Variants in MAP3K19 observed in about 807,000 individuals in gnomAD.
MAP3K19 encodes the protein mitogen-activated protein kinase kinase kinase 19.
In MAP3K19, 91 loss-of-function variants were observed where a neutral mutation model predicts 114.4. That is an observed-to-expected ratio of 0.80 (90% CI 0.67 to 0.95). MAP3K19 has a LOEUF of 0.95. Among genes scored for constraint, MAP3K19 ranks in the 40% least tolerant of loss-of-function variants. The pLI is 0.00. For synonymous variants in MAP3K19, 518 were observed against 530.5 expected (o/e 0.98, Z 0.32); for missense variants, 1,471 against 1,573.2 (o/e 0.94, Z 1.10).
intron 1 of MAP3K19, among the ~76,000 whole-genome samples, chr2:135,045,640 T>C (rs1353576049): frequency 1.3e-5 from 2 of 152,216 alleles, no homozygotes; most frequent in Non-Finnish European, 2.9e-5. Flanking sequence ...AGCAATGTTA[T>C]GGAGTTGTAA....
chr2:135,006,345 TA>T (rs1283129966), intron 5 of MAP3K19, among the ~76,000 whole-genome samples: 2 of 152,326 alleles, frequency 1.3e-5, no homozygotes, highest in East Asian at 1.9e-4. Flanking sequence ...ACTACCTATT[TA>T]AGGGGACTGA....
intron 3 of MAP3K19, among the ~76,000 whole-genome samples, chr2:135,029,687 G>A (rs7579356): frequency 9.3e-4 from 142 of 152,298 alleles, no homozygotes; most frequent in African/African-American, 3.3e-3. Flanking sequence ...AAGGTCACAT[G>A]GTCTGACAGT....
At chr2:134,978,921 G>A (rs917139725) in intron 12 of MAP3K19, among the ~76,000 whole-genome samples, 1 of 152,076 alleles carries the variant, frequency 6.6e-6, no homozygotes, top group South Asian at 2.1e-4. Flanking sequence ...ACTGCCTATT[G>A]CAACAAAGCT....
chr2:134,987,944 AT>A lies in MAP3K19; in HGVS notation c.927del (p.Lys309AsnfsTer5), dbSNP rs1008892323. 23 of 1,614,150 alleles carry A rather than the reference AT, an allele frequency of 1.4e-5. No individual in the cohort carries two copies. Among genetic ancestry groups the A allele is most frequent in the Non-Finnish European group, 1.9e-5 (23 of 1,180,018 alleles). ...RQCLEKEENW[K>X]SKEIEECNKI... The stretch of plus-strand genomic sequence containing the variant: ...TTGTTACATTCTTCTATTTCCTTGG[AT>A]TTCCAGTTTTCCTCCTTCTCCAGGC... On this transcript the variant is annotated frameshift_variant, in exon 10 of 13. Transcript: ENST00000392915. LOFTEE classifies it high-confidence loss of function.
chr2:134,983,536 T>C (rs1297697963), intron 11 of MAP3K19, 140 bp downstream of exon 11: 1 of 648,052 alleles, frequency 1.5e-6, no homozygotes, highest in East Asian at 2.7e-5. Flanking sequence ...GGATTTTCTG[T>C]TACTTCCAAC....
chr2:135,025,361 C>T (rs1409487226), intron 3 of MAP3K19, among the ~76,000 whole-genome samples: 3 of 146,286 alleles, frequency 2.1e-5, no homozygotes, highest in East Asian at 4.0e-4. Context: ...TGCCTCTCCA[C>T]ATGGCCTTTT....
chr2:135,045,100 T>G (rs1412673319), intron 1 of MAP3K19, among the ~76,000 whole-genome samples: 1 of 152,200 alleles, frequency 6.6e-6, no homozygotes, highest in Non-Finnish European at 1.5e-5. Flanking sequence ...CTGTAAACGT[T>G]TCTCTGGGGC....
chr2:135,036,249 A>G (rs1056375135), intron 2 of MAP3K19, among the ~76,000 whole-genome samples: 1 of 152,042 alleles, frequency 6.6e-6, no homozygotes, highest in Admixed American at 6.6e-5. Flanking sequence ...TTTCTTGACC[A>G]CTTTCTCAAA....
rs545782256 is a variant in MAP3K19 at position 134,981,953 on chromosome 2, AC to A, written c.3223-436del. On this transcript the variant is annotated intron_variant, in intron 11 of 12. Coordinates refer to ENST00000392915, the MANE Select transcript of MAP3K19 (RefSeq NM_025052.5). ...GTTGCCCAGGCTGGAGTGCATTGGC[AC>A]AATCACAGCTCATTGCAGGCTCAAC... is the stretch of plus-strand genomic sequence containing the variant. Among the ~76,000 whole-genome samples the A allele has an allele frequency of 9.5e-5, 12 of 126,690 alleles. No individual in the cohort carries two copies. The South Asian group carries it at 3.0e-3, about 31-fold the overall frequency. The allele number at this position is 126,690 out of a possible 152,430, so 83.1% of individuals were successfully genotyped here.
rs909622931 is a variant in MAP3K19 at position 135,013,613 on chromosome 2, T to A, written c.139-8082A>T. Among the ~76,000 whole-genome samples, 5 of 152,212 alleles carry A rather than the reference T, an allele frequency of 3.3e-5. No individual in the cohort carries two copies. The East Asian group carries it at 9.6e-4, about 29-fold the overall frequency. ...TCCTTCCCCTCATCCCTTGGTTTTT[T>A]AATTTCTAGTTGGTTTATTTTATTT... On this transcript the variant is annotated intron_variant, in intron 5 of 12. Coordinates refer to ENST00000392915, the MANE Select transcript of MAP3K19 (RefSeq NM_025052.5).
rs745414762 is a variant in MAP3K19 at position 134,987,728 on chromosome 2, G to T, written c.1144C>A (p.Gln382Lys). 5.6e-6 allele frequency: 9 copies of T among 1,611,078 alleles called. No homozygotes were observed. Among genetic ancestry groups the T allele is most frequent in the Non-Finnish European group, 6.8e-6 (8 of 1,180,004 alleles). ...ATGGTACATACTATTTCTGGATCTTGTTCATAGTTTTTGGCTACTGAACTC... is the reference window on the plus strand; with the variant it reads ...ATGGTACATACTATTTCTGGATCTTTTTCATAGTTTTTGGCTACTGAACTC... ...NESSVAKNYE[Q>K]DPEIVCTIPS... Residue 382 changes from glutamine to lysine, a missense_variant, in exon 10 of 13, where the codon CAA becomes AAA. Physicochemically the swap from Gln to Lys is moderately conservative, Grantham distance 53. Transcript: ENST00000392915.
chr2:135,008,271 C>CG (rs1227004553), intron 5 of MAP3K19, among the ~76,000 whole-genome samples: 1 of 151,974 alleles, frequency 6.6e-6, no homozygotes, highest in Non-Finnish European at 1.5e-5. Flanking sequence ...TACAGGCACC[C>CG]GCCACCATGC....
At chr2:134,989,065 G>T (rs916742614) in intron 9 of MAP3K19, among the ~76,000 whole-genome samples, 4 of 152,088 alleles carry the variant, frequency 2.6e-5, no homozygotes, top group African/African-American at 7.2e-5. Flanking sequence ...TCATTTTTGT[G>T]GATGACAGGC....
chr2:134,981,076 T>A lies in MAP3K19; in HGVS notation c.3665A>T (p.Asp1222Val), dbSNP rs752483625. Residue 1222 changes from aspartate to valine, a missense_variant, in exon 12 of 13, where the codon GAC becomes GTC. Asp to Val is a radical substitution (Grantham distance 152). Transcript: ENST00000392915. The part of the protein sequence containing the change: ...AWAGLNGTHS[D>V]MLKSMHGTPY... Reference sequence around the variant, plus strand: ...AGTCCCATGCATGGACTTAAGCATGTCACTGTGGGTGCCATTTAAACCTGC... The same window carrying A: ...AGTCCCATGCATGGACTTAAGCATGACACTGTGGGTGCCATTTAAACCTGC... The A allele has an allele frequency of 6.2e-7, 1 of 1,614,238 alleles. No homozygotes were observed. The highest frequency in any genetic ancestry group is 2.2e-5 in the East Asian group (1 of 44,890).
chr2:135,033,721 G>A (rs1184380881), intron 2 of MAP3K19, among the ~76,000 whole-genome samples: 5 of 97,910 alleles, frequency 5.1e-5, no homozygotes, highest in East Asian at 7.1e-4. Context: ...CCTCCCTCCC[G>A]GACGGGGTGG....
chr2:135,012,894 GC>G (rs1429260638), intron 5 of MAP3K19, among the ~76,000 whole-genome samples: 1 of 152,160 alleles, frequency 6.6e-6, no homozygotes, highest in Non-Finnish European at 1.5e-5. Flanking sequence ...GTATGATTAT[GC>G]TTTCTTTCTT....
intron 3 of MAP3K19, among the ~76,000 whole-genome samples, chr2:135,029,187 A>G (rs950394009): frequency 2.6e-5 from 4 of 152,198 alleles, no homozygotes; most frequent in Non-Finnish European, 5.9e-5. Flanking sequence ...CCTGGCTAAC[A>G]TGGTGAAACC....
At chr2:135,017,296 T>C (rs1574029459) in intron 5 of MAP3K19, among the ~76,000 whole-genome samples, 1 of 152,114 alleles carries the variant, frequency 6.6e-6, no homozygotes, top group South Asian at 2.1e-4. Flanking sequence ...TTTTCTGGGG[T>C]TATTAAATCT....
At chr2:135,016,293 C>A (rs957042780) in intron 5 of MAP3K19, among the ~76,000 whole-genome samples, 4 of 152,124 alleles carry the variant, frequency 2.6e-5, no homozygotes, top group Admixed American at 1.3e-4. Flanking sequence ...TCCATGCAAC[C>A]CAGAACCATG....
Sources: gnomAD v4.1 joint callset for allele counts (sites outside exome capture counted in the v4.1 genomes callset) on GRCh38, gnomAD v4.1.1 for gene constraint, MANE v1.5 for transcripts, NCBI Gene and HGNC (gene_info 2026-07-23, HGNC 2026-07-21) for gene names.